ZNF831: variants seen among roughly 807,000 people sequenced by gnomAD.
The protein encoded by ZNF831 is zinc finger protein 831, also known as chromosome 20 open reading frame 174.
ZNF831 carries 59 observed loss-of-function variants against 95.8 expected under a neutral mutation model. The observed-to-expected ratio is 0.62, with a 90% CI of 0.50 to 0.77. The LOEUF is 0.77. ZNF831 is among the 30% of genes least tolerant of loss of function. ZNF831 has a pLI of 0.00. For synonymous variants in ZNF831, 961 were observed against 925.5 expected, an observed-to-expected ratio of 1.04 and a Z score of -0.70; for missense variants, 2,205 against 2,164.0, an observed-to-expected ratio of 1.02 and a Z score of -0.38.
intron 2 of ZNF831, among the ~76,000 whole-genome samples, chr20:59,157,102 T>A (rs1292276732): frequency 6.6e-6 from 1 of 152,178 alleles, no homozygotes; most frequent in African/African-American, 2.4e-5. Context: ...CTTTTAATTT[T>A]TAAATGTGCT....
intron 4 of ZNF831, among the ~76,000 whole-genome samples, chr20:59,236,444 T>A (rs1030758406): frequency 6.6e-6 from 1 of 152,080 alleles, no homozygotes; most frequent in African/African-American, 2.4e-5. Flanking sequence ...TTTTCTTTTA[T>A]CCTTTTTTTG....
intron 4 of ZNF831, among the ~76,000 whole-genome samples, chr20:59,223,098 G>A (rs57801847): frequency 0.018 from 2,725 of 152,188 alleles, 84 homozygotes; most frequent in African/African-American, 0.062. Context: ...AGGAGCCCCA[G>A]CTGATAACAG....
In ZNF831 at chr20:59,192,851, G is replaced by A; in HGVS notation, c.1832G>A (p.Arg611Lys). The A allele has an allele frequency of 3.1e-6, 5 of 1,603,674 alleles. No homozygotes were observed. Among genetic ancestry groups the A allele is most frequent in the Non-Finnish European group, 4.3e-6 (5 of 1,175,174 alleles). The change falls in exon 2 of 6, where the codon AGG becomes AAG. Residue 611 changes from arginine to lysine, a missense_variant. By Grantham distance (26) the Arg-to-Lys change is conservative. Coordinates refer to ENST00000371030, the MANE Select transcript of ZNF831 (RefSeq NM_178457.3). This position sits in a 1 kb window ranked among gnomAD's most constrained non-coding sequence, Gnocchi z 5.2. ...GGCGGCAGGAAGTGCGGCCAGAGAAGGCTGAAGATGTTCTCCCAGGAGAAG... is the reference window on the plus strand; with the variant it reads ...GGCGGCAGGAAGTGCGGCCAGAGAAAGCTGAAGATGTTCTCCCAGGAGAAG... The part of the protein sequence containing the change: ...RAGGRKCGQR[R>K]LKMFSQEKWQ...
intron 1 of ZNF831, among the ~76,000 whole-genome samples, chr20:59,139,756 C>A (rs1452986388): frequency 2.6e-5 from 4 of 152,140 alleles, no homozygotes; most frequent in Non-Finnish European, 4.4e-5. Context: ...GTCCTCAAAG[C>A]CCAGCACTCT....
rs542214378 is a variant in ZNF831 at position 59,248,876 on chromosome 20, T to G, written c.4028-4102T>G. On this transcript the variant is annotated intron_variant, in intron 4 of 5. Transcript: ENST00000371030. ...CAAGCCATCTCATCTGGCCCCTGGA[T>G]TATCCTAGTAAGCTTGTAACTGTTT... Among the ~76,000 whole-genome samples the G allele has an allele frequency of 6.6e-5, 10 of 152,304 alleles. No individual in the cohort carries two copies. In the East Asian group the frequency reaches 1.9e-3, roughly 29 times the overall value.
intron 2 of ZNF831, among the ~76,000 whole-genome samples, chr20:59,149,728 C>T (rs924352821): frequency 6.6e-6 from 1 of 152,232 alleles, no homozygotes; most frequent in Non-Finnish European, 1.5e-5. Context: ...GAGCCTTGTC[C>T]CTGTGATGTT....
chr20:59,135,370 G>A (rs566503867), intron 1 of ZNF831, among the ~76,000 whole-genome samples: 1 of 151,842 alleles, frequency 6.6e-6, no homozygotes, highest in Non-Finnish European at 1.5e-5. Flanking sequence ...AGGATCACTT[G>A]AGCCCAGCAG....
At chr20:59,187,402 G>A (rs1983139738) in intron 1 of ZNF831, among the ~76,000 whole-genome samples, 2 of 152,064 alleles carry the variant, frequency 1.3e-5, no homozygotes, top group South Asian at 4.2e-4. Flanking sequence ...CAAGAAGACG[G>A]CCATCTAGGT....
chr20:59,219,079 G>A (rs1985901933), intron 4 of ZNF831, among the ~76,000 whole-genome samples: 1 of 152,134 alleles, frequency 6.6e-6, no homozygotes, highest in African/African-American at 2.4e-5. Context: ...TGGGGGTCAG[G>A]CAAGTAATCA....
chr20:59,228,058 A>G (rs992992029), intron 4 of ZNF831, among the ~76,000 whole-genome samples: 7 of 152,260 alleles, frequency 4.6e-5, no homozygotes, highest in African/African-American at 1.7e-4. Context: ...CATCATAAAT[A>G]TATAACATAT....
intron 4 of ZNF831, among the ~76,000 whole-genome samples, chr20:59,238,484 G>A (rs141531609): frequency 6.6e-6 from 1 of 152,244 alleles, no homozygotes; most frequent in Non-Finnish European, 1.5e-5. Flanking sequence ...TTCAAGACCT[G>A]GGGCACTTTA....
intron 4 of ZNF831, among the ~76,000 whole-genome samples, chr20:59,215,340 T>C (rs1386819244): frequency 5.9e-5 from 9 of 152,192 alleles, no homozygotes; most frequent in Non-Finnish European, 1.2e-4. Flanking sequence ...TCTGAAGTCT[T>C]ATTGATTGAG....
At chr20:59,163,651 A>G (rs1182992161), upstream of ZNF831, among the ~76,000 whole-genome samples, 2 of 151,952 alleles carry the variant, frequency 1.3e-5, no homozygotes, top group Non-Finnish European at 2.9e-5. Flanking sequence ...ATTTCTGGGC[A>G]GCAAGCTCTT....
Position 59,192,812 on chromosome 20 carries a change from G to A in ZNF831, c.1793G>A (p.Gly598Asp), listed in dbSNP as rs2146572272. 1 of 1,611,246 alleles carries A rather than the reference G, an allele frequency of 6.2e-7. No individual in the cohort carries two copies. The highest frequency in any genetic ancestry group is 8.5e-7 in the Non-Finnish European group (1 of 1,179,102). The part of the protein sequence containing the change: ...KRTAAREAMA[G>D]KGRAGGRKCG... ...ACTGCTGCGCGGGAGGCCATGGCCG[G>A]CAAGGGCAGAGCGGGCGGCAGGAAG... Residue 598 changes from glycine to aspartate, a missense_variant, in exon 2 of 6, where the codon GGC becomes GAC. Transcript: ENST00000371030. This position sits in a 1 kb window ranked among gnomAD's most constrained non-coding sequence, Gnocchi z 5.2.
upstream of ZNF831, among the ~76,000 whole-genome samples, chr20:59,161,086 A>G (rs954797117): frequency 2.0e-4 from 31 of 152,096 alleles, no homozygotes; most frequent in African/African-American, 6.8e-4. Context: ...TTAGAATGGG[A>G]GTGATGGATT....
At chr20:59,182,816 C>A (rs1248925829) in intron 1 of ZNF831, among the ~76,000 whole-genome samples, 2 of 152,202 alleles carry the variant, frequency 1.3e-5, no homozygotes, top group East Asian at 3.8e-4. Context: ...TGGGAACTAA[C>A]ATGTGTTTGG....
In ZNF831 at chr20:59,195,849, A is replaced by C. The variant is rs760548205; in HGVS notation, c.3739-20A>C. ...TGAGGACTTTGAGTAATGTGATGCC[A>C]ACATGCTTGGTGTTTTCAGTTCTCC... On this transcript the variant is annotated intron_variant, in intron 2 of 5. Transcript: ENST00000371030. 6.2e-7 allele frequency: 1 copy of C among 1,607,358 alleles called. No individual in the cohort carries two copies. Among genetic ancestry groups the C allele is most frequent in the East Asian group, 2.2e-5 (1 of 44,790 alleles).
At chr20:59,233,217 T>C (rs1445731712) in intron 4 of ZNF831, among the ~76,000 whole-genome samples, 1 of 152,142 alleles carries the variant, frequency 6.6e-6, no homozygotes, top group African/African-American at 2.4e-5. Flanking sequence ...ATCATTGTTT[T>C]TACAACCCAG....
chr20:59,135,833 T>C (rs915356628), intron 1 of ZNF831, among the ~76,000 whole-genome samples: 80 of 152,180 alleles, frequency 5.3e-4, no homozygotes, highest in African/African-American at 1.8e-3. Flanking sequence ...TGACTTTCAG[T>C]GGCCACAGTT....
Sources: allele counts gnomAD v4.1 joint callset (sites outside exome capture counted in the v4.1 genomes callset), GRCh38; gene constraint gnomAD v4.1.1; non-coding constraint Gnocchi (gnomAD v3.1); transcripts MANE v1.5; gene names NCBI Gene and HGNC (gene_info 2026-07-23, HGNC 2026-07-21).